Variants in EXOSC9 observed in about 807,000 individuals in gnomAD.
EXOSC9 encodes exosome component 9, also known as exosome complex component RRP45.
In EXOSC9, 38 loss-of-function variants were observed where a neutral mutation model predicts 56.5. The ratio of observed to expected loss-of-function variants is 0.67; its 90% confidence interval spans 0.52 to 0.88. EXOSC9 has a LOEUF of 0.88. Ranked by LOEUF, EXOSC9 falls within the 40% of genes least tolerant of loss-of-function variation. The pLI is 0.00. For synonymous variants in EXOSC9, 170 were observed against 170.8 expected (o/e 0.99, Z 0.04); for missense variants, 559 against 530.5 (o/e 1.05, Z -0.53).
chr4:121,813,438 A>G (rs892048360), intron 9 of EXOSC9, 58 bp downstream of exon 9: 3 of 1,453,050 alleles, frequency 2.1e-6, no homozygotes, highest in Non-Finnish European at 2.9e-6. Flanking sequence ...GCATTATAAT[A>G]TTAGGCTATA....
At position 121,813,262 on chromosome 4, in the gene EXOSC9, G is replaced by A. The variant is rs756287264; in HGVS notation, c.856G>A (p.Glu286Lys). 3 of 1,609,256 alleles carry A rather than the reference G, an allele frequency of 1.9e-6. No individual in the cohort carries two copies. In the African/African-American group the frequency reaches 4.0e-5, roughly 22 times the overall value. The change falls in exon 9 of 12, where the codon GAG becomes AAG. Residue 286 changes from glutamate (E) to lysine (K), a missense_variant. Coordinates refer to ENST00000243498, the MANE Select transcript of EXOSC9 (RefSeq NM_005033.3). ...RKEGGKFGFA[E>K]SIANQRITAF... is the part of the protein sequence containing the mutation. ...AGAAGGTGGAAAGTTTGGTTTTGCA[G>A]AGTCTATAGCAAATCAAAGGATCAC...
chr4:121,808,053 A>C (rs948363049), intron 6 of EXOSC9, among the ~76,000 whole-genome samples: 1 of 152,176 alleles, frequency 6.6e-6, no homozygotes, highest in African/African-American at 2.4e-5. Flanking sequence ...GGGATGGTTC[A>C]CAGACTGGAG....
At chr4:121,804,842 G>C in intron 5 of EXOSC9, 83 bp downstream of exon 5, 1 of 1,237,494 alleles carries the variant, frequency 8.1e-7, no homozygotes. Context: ...TTTTAGTGAA[G>C]TTATGTTGTA....
At chr4:121,814,419 A>G (rs111495689) in intron 10 of EXOSC9, 1 of 154,318 alleles carries the variant, frequency 6.5e-6, no homozygotes. Context: ...TTTAATTAAA[A>G]AAATTTTGTG....
chr4:121,807,860 T>C, intron 6 of EXOSC9: 8 of 555,856 alleles, frequency 1.4e-5, no homozygotes, highest in South Asian at 9.3e-5. Flanking sequence ...GGGATACTTA[T>C]AAACTTAGGA....
At chr4:121,814,983 T>C (rs1364537012) in intron 10 of EXOSC9, 1 of 152,216 alleles carries the variant, frequency 6.6e-6, no homozygotes, top group African/African-American at 2.4e-5. Context: ...GTGATGTGTT[T>C]AATAGGAATG....
intron 6 of EXOSC9, chr4:121,808,010 A>G (rs1727076119): frequency 1.7e-5 from 3 of 181,460 alleles, no homozygotes; most frequent in African/African-American, 7.1e-5. Context: ...GGAACATATT[A>G]GATGGAGTAG....
intron 10 of EXOSC9, chr4:121,814,769 T>C (rs1407177338): frequency 2.0e-5 from 3 of 152,220 alleles, no homozygotes; most frequent in Non-Finnish European, 1.5e-5. Context: ...AAAAAAATTC[T>C]ATAAGTAACT....
intron 4 of EXOSC9, 49 bp from the exon 5 acceptor site, chr4:121,804,573 A>T (rs190493396): frequency 5.6e-6 from 7 of 1,244,808 alleles, no homozygotes; most frequent in Non-Finnish European, 7.9e-6. Context: ...ATAAATAGCC[A>T]CTGGTTGTAA....
chr4:121,802,835 A>C, intron 3 of EXOSC9, 42 bp downstream of exon 3: 3 of 1,612,986 alleles, frequency 1.9e-6, no homozygotes. Flanking sequence ...TCATAGGAGA[A>C]CCTAACAGCA....
rs190163060 is a variant in EXOSC9 at position 121,813,539 on chromosome 4, T to C, written c.974+159T>C. Among the ~76,000 whole-genome samples the C allele has an allele frequency of 6.6e-5, 10 of 152,340 alleles. 1 individual carries two copies. The East Asian group carries it at 1.9e-3, about 29-fold the overall frequency. On this transcript the variant is annotated intron_variant, in intron 9 of 11. Coordinates refer to ENST00000243498, the MANE Select transcript of EXOSC9 (RefSeq NM_005033.3). Reference sequence around the variant, plus strand: ...ATACAAGATAGAGATGTGAGTCATATTCTGTTGATGGTATAACATTCAGCT... The same window carrying C: ...ATACAAGATAGAGATGTGAGTCATACTCTGTTGATGGTATAACATTCAGCT...
chr4:121,803,627 G>A (rs1429877243), intron 4 of EXOSC9, among the ~76,000 whole-genome samples: 1 of 152,062 alleles, frequency 6.6e-6, no homozygotes, highest in Non-Finnish European at 1.5e-5. Flanking sequence ...TGCAACCTCT[G>A]CCTCCCCTGT....
rs756076978 is a variant in EXOSC9 at position 121,810,038 on chromosome 4, A to G, written c.677A>G (p.Asn226Ser). The part of the protein sequence containing the change: ...VMDGLLVIAM[N>S]KHREICTIQS... ...GATGGCTTGCTGGTGATTGCCATGA[A>G]CAAACATCGAGAGATTTGTACTATC... Residue 226 changes from asparagine (N) to serine (S), a missense_variant, in exon 7 of 12, where the codon AAC becomes AGC. Asn to Ser is a conservative substitution (Grantham distance 46). Transcript: ENST00000243498. 14 of 1,613,880 alleles carry G rather than the reference A, an allele frequency of 8.7e-6. No homozygotes were observed. In the Admixed American group the frequency reaches 2.2e-4, roughly 25 times the overall value.
At chr4:121,806,666 C>CT (rs1662413894) in intron 5 of EXOSC9, among the ~76,000 whole-genome samples, 1 of 152,098 alleles carries the variant, frequency 6.6e-6, no homozygotes, top group Non-Finnish European at 1.5e-5. Context: ...TAATGGAATG[C>CT]TGTTCAGTAA....
In EXOSC9 at chr4:121,802,758, C is replaced by T; in HGVS notation, c.246C>T (p.Leu82=). The change falls in exon 3 of 12, where the codon CTC becomes CTT. Residue 82 remains leucine, a synonymous_variant. Transcript: ENST00000243498. ...GTATTCTTTTTTTTAACCTTGAACT[C>T]TCTCAGATGGCCGCTCCAGCTTTCG... ...TEGILFFNLE[L]SQMAAPAFEP... 1 of 1,614,118 alleles carries T rather than the reference C, an allele frequency of 6.2e-7. No individual in the cohort carries two copies. The highest frequency in any genetic ancestry group is 1.1e-5 in the South Asian group (1 of 91,078).
At chr4:121,801,672 G>C in intron 1 of EXOSC9, 155 bp from the exon 2 acceptor site, 1 of 781,160 alleles carries the variant, frequency 1.3e-6, no homozygotes, top group Non-Finnish European at 2.2e-6. Context: ...AGTCACCGCA[G>C]CAGTTGTCCA....
chr4:121,810,236 G>A lies in EXOSC9; in HGVS notation c.738+137G>A. ...TGTGTTAGAATCTGGTTTCAGTACT[G>A]TCACTATTAAATACATTCTGTTGAC... On this transcript the variant is annotated intron_variant, in intron 7 of 11. Transcript: ENST00000243498. 5.2e-6 allele frequency: 4 copies of A among 765,368 alleles called. No individual in the cohort carries two copies. In the South Asian group the frequency reaches 6.9e-5, roughly 13 times the overall value. 47.4% of individuals were successfully genotyped at this position (765,368 alleles called of 1,614,324 possible). A position where few individuals can be genotyped will look rare whatever the true frequency, so the allele number is the denominator to read the frequency against.
chr4:121,802,720 C>T lies in EXOSC9; in HGVS notation c.208C>T (p.Arg70Trp), dbSNP rs765207306. 12 of 1,613,984 alleles carry T rather than the reference C, an allele frequency of 7.4e-6. No homozygotes were observed. Among genetic ancestry groups the T allele is most frequent in the African/African-American group, 1.3e-5 (1 of 75,010 alleles). ...TGAACTTGTGTCTCCAAAACTCAAT[C>T]GGGCAACAGAAGGTATTCTTTTTTT... ...SCELVSPKLN[R>W]ATEGILFFNL... The change falls in exon 3 of 12, where the codon CGG becomes TGG. Residue 70 changes from arginine (R) to tryptophan (W), a missense_variant. Transcript: ENST00000243498.
chr4:121,804,031 G>T (rs558928141), intron 4 of EXOSC9, among the ~76,000 whole-genome samples: 15 of 152,076 alleles, frequency 9.9e-5, no homozygotes, highest in African/African-American at 3.6e-4. Flanking sequence ...GGGACAGGGT[G>T]ACACTCTCGT....
Sources: gnomAD v4.1 joint callset for allele counts (sites outside exome capture counted in the v4.1 genomes callset) on GRCh38, gnomAD v4.1.1 for gene constraint, MANE v1.5 for transcripts, NCBI Gene and HGNC (gene_info 2026-07-23, HGNC 2026-07-21) for gene names.